The following L3MBTL2 variants were observed in gnomAD, a reference collection of about 807,000 sequenced individuals.
L3MBTL2 encodes L3MBTL histone methyl-lysine binding protein 2.
A neutral mutation model predicts 86.4 loss-of-function variants in L3MBTL2; 49 were observed. The ratio of observed to expected loss-of-function variants is 0.57; its 90% CI spans 0.45 to 0.72. The LOEUF is 0.72. Among genes scored for constraint, L3MBTL2 ranks in the 30% least tolerant of loss-of-function variants. L3MBTL2 has a pLI of 0.00. For missense variants in L3MBTL2, 755 were observed against 923.7 expected (o/e 0.82, Z 2.37); for synonymous variants, 336 against 350.6 (o/e 0.96, Z 0.47).
At chr22:41,221,736 A>G (rs2031835969) in intron 8 of L3MBTL2, among the ~76,000 whole-genome samples, 1 of 151,368 alleles carries the variant, frequency 6.6e-6, no homozygotes, top group African/African-American at 2.4e-5. Context: ...CCTCCCAAGT[A>G]GCTGGGACTA....
intron 2 of L3MBTL2, among the ~76,000 whole-genome samples, chr22:41,211,722 A>C (rs1193926651): frequency 8.4e-6 from 1 of 118,560 alleles, no homozygotes; most frequent in Non-Finnish European, 1.8e-5. Flanking sequence ...ACACCCGGCT[A>C]ATTTTTTTTG....
At chr22:41,208,001 T>C (rs1202886988) in intron 1 of L3MBTL2, among the ~76,000 whole-genome samples, 1 of 151,830 alleles carries the variant, frequency 6.6e-6, no homozygotes, top group Non-Finnish European at 1.5e-5. Flanking sequence ...CCAGCTATTT[T>C]TTGTATTTTT....
chr22:41,210,243 G>T (rs2030631150), intron 2 of L3MBTL2, among the ~76,000 whole-genome samples: 1 of 146,548 alleles, frequency 6.8e-6, no homozygotes, highest in South Asian at 2.1e-4. Flanking sequence ...TCCACCTCCT[G>T]AGTTCAAGTG....
In L3MBTL2 at chr22:41,230,193, C is replaced by T; in HGVS notation, c.2060C>T (p.Ala687Val). Residue 687 changes from alanine to valine, a missense_variant, in exon 17 of 17, where the codon GCT becomes GTT. Around this residue, in one of 3 missense-constraint regions of L3MBTL2, gnomAD observed 634 missense variants for 748.9 expected, o/e 0.85. Transcript: ENST00000216237. ...CTAGACGTGGCCTCGCCCGACAAGG[C>T]TTCAAGTCCAGAGCTGCCTGTCTCC... The part of the protein sequence containing the change: ...EHLDVASPDK[A>V]SSPELPVSVE... The T allele has an allele frequency of 6.2e-7, 1 of 1,613,506 alleles. No homozygotes were observed. Among genetic ancestry groups the T allele is most frequent in the South Asian group, 1.1e-5 (1 of 91,044 alleles).
intron 12 of L3MBTL2, 62 bp downstream of exon 12, chr22:41,226,003 G>A (rs1037723447): frequency 2.3e-5 from 36 of 1,556,876 alleles, no homozygotes; most frequent in African/African-American, 1.4e-4. Flanking sequence ...GTGTCCAGGC[G>A]CGGTGGCTCC....
chr22:41,209,251 G>A (rs753286386), intron 1 of L3MBTL2: 5 of 164,868 alleles, frequency 3.0e-5, no homozygotes, highest in Non-Finnish European at 4.0e-5. Flanking sequence ...ACAGGTGCCC[G>A]CCACCACGCC....
In L3MBTL2 at chr22:41,227,039, T is replaced by C; in HGVS notation, c.1588-50T>C. 2 of 1,510,646 alleles carry C rather than the reference T, an allele frequency of 1.3e-6. No homozygotes were observed. Among genetic ancestry groups the C allele is most frequent in the Non-Finnish European group, 1.8e-6 (2 of 1,110,632 alleles). 93.6% of individuals were successfully genotyped at this position (1,510,646 alleles called of 1,614,324 possible). A position where few individuals can be genotyped will look rare whatever the true frequency, so the allele number is the denominator to read the frequency against. On this transcript the variant is annotated intron_variant, in intron 13 of 16. Transcript: ENST00000216237. This position sits in a 1 kb window ranked among gnomAD's most constrained non-coding sequence, Gnocchi z 6.0. Reference sequence around the variant, plus strand: ...TGCCTCCGGGCCGGGGCAAGCCTGCTGGGGTAGGGAGCTGACTGGCTTGGC... The same window carrying C: ...TGCCTCCGGGCCGGGGCAAGCCTGCCGGGGTAGGGAGCTGACTGGCTTGGC...
At chr22:41,213,575 A>G in intron 2 of L3MBTL2, 1 of 185,940 alleles carries the variant, frequency 5.4e-6, no homozygotes, top group Non-Finnish European at 1.1e-5. Context: ...TACAGACAGG[A>G]GCTACCATGC....
intron 1 of L3MBTL2, chr22:41,208,349 C>T (rs139431): frequency 0.38 from 167,763 of 441,822 alleles, 33,601 homozygotes; most frequent in African/African-American, 0.56. Flanking sequence ...AGGCTGGTCT[C>T]AAACTCCTGG....
In L3MBTL2 at chr22:41,219,519, C is replaced by T. The variant is rs1601518174; in HGVS notation, c.701C>T (p.Ser234Phe). Reference sequence around the variant, plus strand: ...CCCAGCCGGGTGTACTGGATCGCCTCTGTCATCCAGACAGCAGGTGAGTGT... The same window carrying T: ...CCCAGCCGGGTGTACTGGATCGCCTTTGTCATCCAGACAGCAGGTGAGTGT... ...VLPSRVYWIA[S>F]VIQTAGYRVL... Residue 234 changes from serine to phenylalanine, a missense_variant, in exon 6 of 17, where the codon TCT becomes TTT. Ser to Phe is a radical substitution (Grantham distance 155). Coordinates refer to ENST00000216237, the MANE Select transcript of L3MBTL2 (RefSeq NM_031488.5). 6.2e-7 allele frequency: 1 copy of T among 1,612,342 alleles called. No individual in the cohort carries two copies. The highest frequency in any genetic ancestry group is 8.5e-7 in the Non-Finnish European group (1 of 1,178,552).
Position 41,221,290 on chromosome 22 carries a change from C to A in L3MBTL2, c.942+3C>A. 6.4e-7 allele frequency: 1 copy of A among 1,551,192 alleles called. No homozygotes were observed. Among genetic ancestry groups the A allele is most frequent in the Non-Finnish European group, 8.7e-7 (1 of 1,146,506 alleles). Reference sequence around the variant, plus strand: ...TTCCCGTGGATTTCCACATCAAGGTCGGCAGTGAGCCCTTAACTGATGTGC... The same window carrying A: ...TTCCCGTGGATTTCCACATCAAGGTAGGCAGTGAGCCCTTAACTGATGTGC... On this transcript the variant is annotated splice_donor_region_variant and intron_variant, in intron 8 of 16. Transcript: ENST00000216237.
chr22:41,220,368 C>T (rs551376187), intron 6 of L3MBTL2, among the ~76,000 whole-genome samples: 1 of 152,098 alleles, frequency 6.6e-6, no homozygotes, highest in African/African-American at 2.4e-5. Context: ...CCAGCTTAGG[C>T]TAGAGAAAAG....
In L3MBTL2 at chr22:41,225,083, G is replaced by C; in HGVS notation, c.1356+12G>C. ...CAACTGTCTGTAAGGTGAGCCAGGG[G>C]CCGGCTCTCCAGCCTCCAGATTTCT... On this transcript the variant is annotated intron_variant, in intron 11 of 16. Transcript: ENST00000216237. This position sits in a 1 kb window ranked among gnomAD's most constrained non-coding sequence, Gnocchi z 4.1. 6.2e-7 allele frequency: 1 copy of C among 1,605,462 alleles called. No homozygotes were observed. The highest frequency in any genetic ancestry group is 8.5e-7 in the Non-Finnish European group (1 of 1,173,854).
At position 41,230,148 on chromosome 22, in the gene L3MBTL2, T is replaced by C. The variant is rs763980230; in HGVS notation, c.2015T>C (p.Val672Ala). 1 of 1,537,732 alleles carries C rather than the reference T, an allele frequency of 6.5e-7. No individual in the cohort carries two copies. The highest frequency in any genetic ancestry group is 2.6e-5 in the East Asian group (1 of 38,808). Residue 672 changes from valine to alanine, a missense_variant, in exon 17 of 17, where the codon GTG becomes GCG. Coordinates refer to ENST00000216237, the MANE Select transcript of L3MBTL2 (RefSeq NM_031488.5). ...SEPVPGEIIA[V>A]RVKEEHLDVA... ...TCCCCTCCCTCTTCAGTCATTGCTG[T>C]GCGTGTGAAGGAAGAGCATCTAGAC... is the stretch of plus-strand genomic sequence containing the variant.
chr22:41,207,849 T>G (rs74427821), intron 1 of L3MBTL2, among the ~76,000 whole-genome samples: 2 of 151,750 alleles, frequency 1.3e-5, no homozygotes, highest in Non-Finnish European at 2.9e-5. Flanking sequence ...TTTTTTTTTT[T>G]GAGAAGGAGT....
chr22:41,211,281 G>A (rs1322687101), intron 2 of L3MBTL2, among the ~76,000 whole-genome samples: 1 of 151,852 alleles, frequency 6.6e-6, no homozygotes, highest in Non-Finnish European at 1.5e-5. Context: ...GCTCACTGCA[G>A]CCTCGACCTC....
chr22:41,218,903 G>C (rs1008899419), intron 5 of L3MBTL2: 2 of 154,068 alleles, frequency 1.3e-5, no homozygotes, highest in African/African-American at 4.8e-5. Context: ...TGGGATTACA[G>C]GCGTGAGCCA....
rs2031137681 is a variant in L3MBTL2, at chr22:41,214,077, G to A, written c.396+51G>A. ...CCCGGTGCCTTTGGTGCTGAGACAG[G>A]AACCACCAAGTGACTGAAGGCCAGG... is the stretch of plus-strand genomic sequence containing the variant. On this transcript the variant is annotated intron_variant, in intron 3 of 16. Coordinates refer to ENST00000216237, the MANE Select transcript of L3MBTL2 (RefSeq NM_031488.5). The A allele has an allele frequency of 4.4e-6, 7 of 1,600,894 alleles. No homozygotes were observed. The African/African-American group carries it at 8.0e-5, about 18-fold the overall frequency.
Position 41,227,540 on chromosome 22 carries a change from C to T in L3MBTL2, c.1822+217C>T. 6.7e-7 allele frequency: 1 copy of T among 1,500,186 alleles called. No individual in the cohort carries two copies. Among genetic ancestry groups the T allele is most frequent in the Non-Finnish European group, 9.1e-7 (1 of 1,101,920 alleles). 92.9% of individuals were successfully genotyped at this position (1,500,186 alleles called of 1,614,324 possible). ...GCAGAGCTCCTTCCTTCATCTTGCC[C>T]ACTCTGTCATATGTTCGTGCCCTTG... On this transcript the variant is annotated intron_variant, in intron 14 of 16. Transcript: ENST00000216237. This position sits in a 1 kb window ranked among gnomAD's most constrained non-coding sequence, Gnocchi z 6.0.
Sources: gnomAD v4.1 joint callset for allele counts (sites outside exome capture counted in the v4.1 genomes callset) on GRCh38, gnomAD v4.1.1 for gene constraint, gnomAD v4.1.1 regional missense constraint, Gnocchi (gnomAD v3.1) non-coding constraint, MANE v1.5 for transcripts, NCBI Gene and HGNC (gene_info 2026-07-23, HGNC 2026-07-21) for gene names.